PCDH15: variants seen among roughly 807,000 people sequenced by gnomAD.
The protein encoded by PCDH15 is protocadherin-15.
Under a neutral mutation model 178.5 loss-of-function variants are expected in PCDH15, and 129 were observed. The observed-to-expected ratio is 0.72, with a 90% confidence interval of 0.63 to 0.84. The LOEUF is 0.84. PCDH15 is among the 40% of genes least tolerant of loss of function. The pLI is 0.00. For missense variants in PCDH15, 2,230 were observed against 2,099.9 expected (o/e 1.06, Z -1.21); for synonymous variants, 800 against 732.0 (o/e 1.09, Z -1.50).
At chr10:54,628,974 G>T (rs2093631521) in intron 2 of PCDH15, among the ~76,000 whole-genome samples, 1 of 151,770 alleles carries the variant, frequency 6.6e-6, no homozygotes, top group Admixed American at 6.6e-5. Context: ...AAACAGGAAA[G>T]AATACACACA....
At chr10:55,217,967 G>C (rs147718795) in intron 1 of PCDH15, among the ~76,000 whole-genome samples, 2,157 of 152,080 alleles carry the variant, frequency 0.014, 26 homozygotes, top group South Asian at 0.059. Flanking sequence ...AATGCTTTCT[G>C]TCATGATCAG....
intron 14 of PCDH15, among the ~76,000 whole-genome samples, chr10:54,150,736 A>G (rs1342095715): frequency 1.3e-5 from 2 of 151,942 alleles, no homozygotes; most frequent in African/African-American, 4.8e-5. Flanking sequence ...GTCTGATATT[A>G]TAGTTATTAA....
chr10:54,275,508 C>G (rs1016817161), intron 8 of PCDH15, among the ~76,000 whole-genome samples: 2 of 151,758 alleles, frequency 1.3e-5, no homozygotes, highest in Non-Finnish European at 2.9e-5. Flanking sequence ...ATCACTAACT[C>G]TATTAAATGA....
chr10:55,032,332 CA>C (rs959535726), intron 2 of PCDH15, among the ~76,000 whole-genome samples: 2 of 151,998 alleles, frequency 1.3e-5, no homozygotes, highest in African/African-American at 2.4e-5. Context: ...GGATATCTGA[CA>C]AAAAAATATC....
intron 2 of PCDH15, among the ~76,000 whole-genome samples, chr10:54,972,848 C>CAAAAAAAAAAAAAA: frequency 1.9e-5 from 1 of 53,520 alleles, no homozygotes; most frequent in East Asian, 6.2e-4. Flanking sequence ...GACTCCATCT[C>CAAAAAAAAAAAAAA]AAAAAAAAAA....
chr10:54,737,963 G>C (rs563684309), intron 1 of PCDH15, among the ~76,000 whole-genome samples: 1 of 152,088 alleles, frequency 6.6e-6, no homozygotes, highest in Non-Finnish European at 1.5e-5. Flanking sequence ...CAGGGTAGGA[G>C]TCACTGAAAA....
chr10:54,788,955 A>G (rs1951144292), intron 1 of PCDH15, among the ~76,000 whole-genome samples: 1 of 151,878 alleles, frequency 6.6e-6, no homozygotes, highest in Non-Finnish European at 1.5e-5. Flanking sequence ...AAACTTGGTC[A>G]TTTCCTATAT....
intron 2 of PCDH15, among the ~76,000 whole-genome samples, chr10:54,552,316 A>C (rs1359039171): frequency 1.3e-5 from 2 of 152,214 alleles, no homozygotes; most frequent in Admixed American, 1.3e-4. Flanking sequence ...CATAGTTCAC[A>C]GTTGAAGAAA....
intron 2 of PCDH15, among the ~76,000 whole-genome samples, chr10:54,648,059 T>A (rs2094170617): frequency 6.6e-6 from 1 of 152,262 alleles, no homozygotes; most frequent in African/African-American, 2.4e-5. Context: ...AGAGTTTCAA[T>A]TATTCTTTAA....
intron 1 of PCDH15, among the ~76,000 whole-genome samples, chr10:55,212,260 G>A (rs183910198): frequency 7.7e-4 from 117 of 152,148 alleles, no homozygotes; most frequent in Non-Finnish European, 1.3e-3. Flanking sequence ...GACACACCTA[G>A]TCCAACCAGT....
intron 3 of PCDH15, among the ~76,000 whole-genome samples, chr10:54,821,621 G>T (rs1195505957): frequency 1.3e-5 from 2 of 151,968 alleles, no homozygotes; most frequent in East Asian, 3.8e-4. Context: ...TATTATCTTT[G>T]ACTACCTCTT....
At chr10:54,646,028 C>T (rs2094122760) in intron 2 of PCDH15, among the ~76,000 whole-genome samples, 1 of 152,104 alleles carries the variant, frequency 6.6e-6, no homozygotes, top group Non-Finnish European at 1.5e-5. Flanking sequence ...ATGCTCTTAA[C>T]TACTATGCCT....
intron 1 of PCDH15, among the ~76,000 whole-genome samples, chr10:55,196,349 A>G (rs1348969291): frequency 6.6e-6 from 1 of 152,126 alleles, no homozygotes; most frequent in African/African-American, 2.4e-5. Context: ...CATGAAGTTG[A>G]CACCACTTAC....
chr10:55,595,393 G>T lies in PCDH15; in HGVS notation c.-156+32232C>A, dbSNP rs376390551. Among the ~76,000 whole-genome samples, 144 of 151,972 alleles carry T rather than the reference G, an allele frequency of 9.5e-4. 1 individual carries two copies. The highest frequency in any genetic ancestry group is 5.6e-3 in the Admixed American group (85 of 15,244). The stretch of plus-strand genomic sequence containing the variant: ...CAGTAAGGCCTTATATGCACACCTG[G>T]CCTCATTTCAAAAGACTAAAGCAGT... On this transcript the variant is annotated intron_variant, in intron 2 of 5. Coordinates refer to the PCDH15 transcript ENST00000613346.
intron 2 of PCDH15, among the ~76,000 whole-genome samples, chr10:54,975,692 A>C (rs1463848156): frequency 2.0e-5 from 3 of 152,170 alleles, no homozygotes; most frequent in African/African-American, 7.2e-5. Flanking sequence ...GTAAGGTCAC[A>C]AAGTCTCTTA....
At chr10:54,711,712 T>C (rs1415833776) in intron 1 of PCDH15, among the ~76,000 whole-genome samples, 1 of 151,776 alleles carries the variant, frequency 6.6e-6, no homozygotes, top group East Asian at 1.9e-4. Context: ...CAGTTGAAAA[T>C]ATACAGGAGT....
intron 2 of PCDH15, among the ~76,000 whole-genome samples, chr10:55,501,323 G>C (rs79099610): frequency 6.6e-6 from 1 of 151,630 alleles, no homozygotes; most frequent in Non-Finnish European, 1.5e-5. Context: ...AGATTAAATT[G>C]CTCTTGTTTT....
intron 2 of PCDH15, among the ~76,000 whole-genome samples, chr10:55,609,011 TATATACAC>T (rs1055982551): frequency 4.9e-5 from 7 of 143,268 alleles, no homozygotes; most frequent in African/African-American, 8.2e-5. Context: ...ATGTTATATA[TATATACAC>T]ACACACACAC....
intron 2 of PCDH15, among the ~76,000 whole-genome samples, chr10:54,992,250 T>G (rs1433238694): frequency 6.6e-6 from 1 of 152,138 alleles, no homozygotes. Flanking sequence ...TTGATCAATG[T>G]GTAAACAGCA....
Sources: allele counts gnomAD v4.1 joint callset (sites outside exome capture counted in the v4.1 genomes callset), GRCh38; gene constraint gnomAD v4.1.1; transcripts MANE v1.5; gene names NCBI Gene and HGNC (gene_info 2026-07-23, HGNC 2026-07-21).